NDUFS4: variants seen among roughly 807,000 people sequenced by gnomAD.
NDUFS4 encodes the protein NADH dehydrogenase [ubiquinone] iron-sulfur protein 4, mitochondrial.
In NDUFS4, 28 loss-of-function variants were observed where a neutral mutation model predicts 24.3. The ratio of observed to expected loss-of-function variants is 1.15; its 90% CI spans 0.85 to 1.58. The LOEUF (loss-of-function observed/expected upper bound fraction) is 1.58. Among genes scored for constraint, NDUFS4 ranks in the 40% most tolerant of loss-of-function variants. The pLI is 0.00. For synonymous variants in NDUFS4, 93 were observed against 69.7 expected, an observed-to-expected ratio of 1.34 and a Z score of -1.67; for missense variants, 223 against 207.9, an observed-to-expected ratio of 1.07 and a Z score of -0.45.
chr5:53,674,223 A>T (rs1193057711), intron 4 of NDUFS4, among the ~76,000 whole-genome samples: 1 of 152,220 alleles, frequency 6.6e-6, no homozygotes, highest in Non-Finnish European at 1.5e-5. Context: ...AGAAGGTATG[A>T]TCCAATAGTA....
intron 1 of NDUFS4, among the ~76,000 whole-genome samples, chr5:53,599,076 AT>A (rs540852820): frequency 6.6e-6 from 1 of 152,152 alleles, no homozygotes; most frequent in African/African-American, 2.4e-5. Flanking sequence ...TAAAATTACC[AT>A]TTATTTTCTA....
intron 4 of NDUFS4, among the ~76,000 whole-genome samples, chr5:53,662,401 T>A (rs1271926339): frequency 2.0e-5 from 3 of 152,160 alleles, no homozygotes. Flanking sequence ...TTTGCCAGTA[T>A]TTTATTGAGG....
intron 1 of NDUFS4, among the ~76,000 whole-genome samples, chr5:53,599,183 T>A (rs1356248741): frequency 6.6e-6 from 1 of 152,120 alleles, no homozygotes; most frequent in African/African-American, 2.4e-5. Flanking sequence ...ATTATTAATA[T>A]TTTGGCTGTT....
intron 4 of NDUFS4, among the ~76,000 whole-genome samples, chr5:53,665,303 C>T (rs1019634507): frequency 9.9e-5 from 15 of 152,174 alleles, no homozygotes; most frequent in African/African-American, 2.7e-4. Context: ...GCAGTCTGTC[C>T]GTTCTCAGAT....
At chr5:53,659,969 T>C (rs946352961) in intron 4 of NDUFS4, among the ~76,000 whole-genome samples, 1 of 152,118 alleles carries the variant, frequency 6.6e-6, no homozygotes, top group East Asian at 1.9e-4. Context: ...TACTATATGA[T>C]AGTATATAAG....
At chr5:53,653,723 G>T (rs879569158) in intron 3 of NDUFS4, among the ~76,000 whole-genome samples, 7 of 151,852 alleles carry the variant, frequency 4.6e-5, no homozygotes, top group Non-Finnish European at 1.0e-4. Context: ...ACTTTTTTCA[G>T]TGTATGTATA....
chr5:53,664,589 C>T (rs1200232496), intron 4 of NDUFS4, among the ~76,000 whole-genome samples: 2 of 152,104 alleles, frequency 1.3e-5, no homozygotes, highest in Admixed American at 6.6e-5. Flanking sequence ...TTTGATCTTG[C>T]CTCACTGATA....
chr5:53,664,974 C>T (rs1392617013), intron 4 of NDUFS4, among the ~76,000 whole-genome samples: 2 of 152,158 alleles, frequency 1.3e-5, no homozygotes, highest in African/African-American at 4.8e-5. Flanking sequence ...TACCTTTGGT[C>T]TTTGATGATG....
intron 1 of NDUFS4, among the ~76,000 whole-genome samples, chr5:53,598,099 C>G (rs1306999580): frequency 2.0e-5 from 3 of 152,150 alleles, no homozygotes; most frequent in African/African-American, 7.2e-5. Flanking sequence ...AAATACTGAC[C>G]ACACCAAATG....
At chr5:53,594,324 C>T (rs560588558) in intron 1 of NDUFS4, among the ~76,000 whole-genome samples, 4 of 152,104 alleles carry the variant, frequency 2.6e-5, no homozygotes, top group South Asian at 2.1e-4. Context: ...TCTGGAGTCC[C>T]GTTTGTCTGA....
intron 3 of NDUFS4, among the ~76,000 whole-genome samples, chr5:53,656,183 T>C (rs990599269): frequency 1.4e-5 from 2 of 145,714 alleles, no homozygotes; most frequent in Non-Finnish European, 3.0e-5. Context: ...GATTGGTTCC[T>C]TTTTTTTAAA....
chr5:53,641,075 A>AT (rs1751693677), intron 2 of NDUFS4, among the ~76,000 whole-genome samples: 1 of 152,186 alleles, frequency 6.6e-6, no homozygotes, highest in African/African-American at 2.4e-5. Flanking sequence ...TCAGTGTCTA[A>AT]TATGTAGTAA....
intron 4 of NDUFS4, among the ~76,000 whole-genome samples, chr5:53,662,453 C>A (rs939070202): frequency 6.6e-6 from 1 of 152,092 alleles, no homozygotes; most frequent in Non-Finnish European, 1.5e-5. Context: ...GTCTAAAAAT[C>A]TCTTTTTTTT....
intron 2 of NDUFS4, among the ~76,000 whole-genome samples, chr5:53,606,906 A>G (rs1433731616): frequency 6.6e-6 from 1 of 152,220 alleles, no homozygotes; most frequent in Non-Finnish European, 1.5e-5. Flanking sequence ...TATACTTTAA[A>G]TCATCTCTAG....
At chr5:53,642,599 C>G (rs1751735917) in intron 2 of NDUFS4, among the ~76,000 whole-genome samples, 1 of 151,850 alleles carries the variant, frequency 6.6e-6, no homozygotes, top group African/African-American at 2.4e-5. Flanking sequence ...TTCCCTGCTT[C>G]CTTTGTTAAA....
chr5:53,602,441 G>A (rs1246744902), intron 1 of NDUFS4, among the ~76,000 whole-genome samples: 1 of 151,928 alleles, frequency 6.6e-6, no homozygotes, highest in Non-Finnish European at 1.5e-5. Flanking sequence ...TATTCATAAA[G>A]CAGTAAAACC....
chr5:53,665,841 A>G (rs1160428279), intron 4 of NDUFS4, among the ~76,000 whole-genome samples: 1 of 152,168 alleles, frequency 6.6e-6, no homozygotes, highest in African/African-American at 2.4e-5. Flanking sequence ...TCCTGCACAC[A>G]CTGTCTGATG....
chr5:53,639,443 T>G (rs1029905719), intron 2 of NDUFS4, among the ~76,000 whole-genome samples: 6 of 151,960 alleles, frequency 3.9e-5, no homozygotes, highest in Non-Finnish European at 5.9e-5. Context: ...TTTCAGCATT[T>G]TATTTTACTA....
intron 4 of NDUFS4, 28 bp downstream of exon 4, chr5:53,658,652 CA>C: frequency 6.4e-7 from 1 of 1,566,494 alleles, no homozygotes; most frequent in Non-Finnish European, 8.8e-7. Flanking sequence ...TTGACAAAGT[CA>C]AGATAATGAT....
Sources: gnomAD v4.1 joint callset for allele counts (sites outside exome capture counted in the v4.1 genomes callset) on GRCh38, gnomAD v4.1.1 for gene constraint, MANE v1.5 for transcripts, NCBI Gene and HGNC (gene_info 2026-07-23, HGNC 2026-07-21) for gene names.